HSF2BP: variants seen among roughly 807,000 people sequenced by gnomAD.
HSF2BP encodes heat shock factor 2-binding protein.
HSF2BP carries 35 observed loss-of-function variants against 35.0 expected under a neutral mutation model. The observed-to-expected ratio is 1.00, with a 90% CI of 0.76 to 1.32. The LOEUF (loss-of-function observed/expected upper bound fraction) is 1.32. Among genes scored for constraint, HSF2BP ranks in the 40% most tolerant of loss-of-function variants. The pLI, the probability that HSF2BP is intolerant of heterozygous loss-of-function variation, is 0.00. For missense variants in HSF2BP, 326 were observed against 321.7 expected (o/e 1.01, Z -0.10); for synonymous variants, 114 against 117.4 (o/e 0.97, Z 0.18).
intron 6 of HSF2BP, 135 bp downstream of exon 6, chr21:43,630,187 A>T: frequency 1.5e-6 from 1 of 646,594 alleles, no homozygotes; most frequent in Non-Finnish European, 2.6e-6. Flanking sequence ...AGACTACAGT[A>T]TAGTGTAAAC....
chr21:43,651,895 C>G (rs2082791631), intron 3 of HSF2BP, among the ~76,000 whole-genome samples: 1 of 152,232 alleles, frequency 6.6e-6, no homozygotes, highest in South Asian at 2.1e-4. Context: ...TTACCTTGCC[C>G]AGTCCTCCCA....
At chr21:43,633,838 C>T (rs1299199519) in intron 4 of HSF2BP, among the ~76,000 whole-genome samples, 2 of 152,192 alleles carry the variant, frequency 1.3e-5, no homozygotes, top group Non-Finnish European at 2.9e-5. Context: ...ATGGCTCACT[C>T]CATTGAAAAA....
chr21:43,592,268 G>GCTGATGTATT lies in HSF2BP; in HGVS notation c.743_752dup (p.Ser251ArgfsTer19). The GCTGATGTATT allele has an allele frequency of 6.2e-7, 1 of 1,613,732 alleles. No individual in the cohort carries two copies. Among genetic ancestry groups the GCTGATGTATT allele is most frequent in the Non-Finnish European group, 8.5e-7 (1 of 1,179,766 alleles). ...GCAAAGGGATGAATCCTGGACTCTC[G>GCTGATGTATT]CTGATGTATTTCAAGCCTTTCAAAT... is the stretch of plus-strand genomic sequence containing the variant. On this transcript the variant is annotated frameshift_variant, in exon 8 of 9. Coordinates refer to ENST00000291560, the MANE Select transcript of HSF2BP (RefSeq NM_007031.2). LOFTEE classifies it high-confidence loss of function.
intron 8 of HSF2BP, among the ~76,000 whole-genome samples, chr21:43,580,239 A>T (rs895907776): frequency 6.6e-6 from 1 of 152,176 alleles, no homozygotes; most frequent in African/African-American, 2.4e-5. Context: ...TTACTATGTC[A>T]GACTGACCAT....
chr21:43,573,477 A>G (rs2081602032), intron 8 of HSF2BP, among the ~76,000 whole-genome samples: 2 of 152,238 alleles, frequency 1.3e-5, no homozygotes, highest in East Asian at 3.8e-4. Context: ...TCCAACCAGT[A>G]ACATATGAAG....
intron 7 of HSF2BP, among the ~76,000 whole-genome samples, chr21:43,609,418 C>T (rs186192382): frequency 6.6e-6 from 1 of 152,020 alleles, no homozygotes; most frequent in African/African-American, 2.4e-5. Context: ...GCACATGTAC[C>T]CCCTGAATCT....
At chr21:43,637,919 T>C (rs1452942565) in intron 4 of HSF2BP, among the ~76,000 whole-genome samples, 1 of 152,130 alleles carries the variant, frequency 6.6e-6, no homozygotes, top group South Asian at 2.1e-4. Context: ...TAATTAACGC[T>C]GAAAGATTGA....
At chr21:43,634,323 G>A (rs1199071827) in intron 4 of HSF2BP, among the ~76,000 whole-genome samples, 1 of 152,128 alleles carries the variant, frequency 6.6e-6, no homozygotes, top group Non-Finnish European at 1.5e-5. Flanking sequence ...TAGAGTGATG[G>A]GGGGCTTCCT....
chr21:43,632,071 CAT>C (rs1568928142), intron 5 of HSF2BP, among the ~76,000 whole-genome samples: 2 of 18,208 alleles, frequency 1.1e-4, no homozygotes, highest in African/African-American at 1.1e-3. Flanking sequence ...CACGCTCCCA[CAT>C]ACACACGCTC....
chr21:43,616,111 G>C (rs1043576689), intron 6 of HSF2BP, among the ~76,000 whole-genome samples: 5 of 151,694 alleles, frequency 3.3e-5, no homozygotes, highest in African/African-American at 4.9e-5. Context: ...CCTGACTCCA[G>C]AGATGGCTAC....
chr21:43,581,668 T>A (rs780682215), intron 8 of HSF2BP, among the ~76,000 whole-genome samples: 3 of 152,122 alleles, frequency 2.0e-5, no homozygotes, highest in Non-Finnish European at 4.4e-5. Flanking sequence ...AAAAAAACAC[T>A]GTTCTTCAGC....
At chr21:43,617,909 G>C (rs1250865513) in intron 6 of HSF2BP, among the ~76,000 whole-genome samples, 1 of 151,478 alleles carries the variant, frequency 6.6e-6, no homozygotes, top group African/African-American at 2.4e-5. Flanking sequence ...AGCTGAGATG[G>C]TGCCACTGCA....
rs535836638 is a variant in HSF2BP at position 43,582,449 on chromosome 21, G to A, written c.796+9776C>T. Among the ~76,000 whole-genome samples the A allele has an allele frequency of 4.0e-5, 6 of 148,190 alleles. No homozygotes were observed. The East Asian group carries it at 6.3e-4, about 15-fold the overall frequency. ...GTTGCGGGAGATGAGTACCTGTTGA[G>A]GGAGATGAGGGCCGGCTGAGGGAGA... On this transcript the variant is annotated intron_variant, in intron 8 of 8. Coordinates refer to ENST00000291560, the MANE Select transcript of HSF2BP (RefSeq NM_007031.2).
intron 4 of HSF2BP, among the ~76,000 whole-genome samples, chr21:43,634,088 TG>T: frequency 6.6e-6 from 1 of 152,300 alleles, no homozygotes; most frequent in South Asian, 2.1e-4. Flanking sequence ...GTGTGAAGGC[TG>T]GGAGTCCTAT....
intron 8 of HSF2BP, among the ~76,000 whole-genome samples, chr21:43,574,722 G>A (rs144547924): frequency 4.6e-5 from 7 of 152,218 alleles, no homozygotes; most frequent in African/African-American, 1.4e-4. Context: ...CATCCACGAC[G>A]CACACTGAGA....
In HSF2BP at chr21:43,586,493, A is replaced by C. The variant is rs527423590; in HGVS notation, c.796+5732T>G. Among the ~76,000 whole-genome samples, 22 of 152,204 alleles carry C rather than the reference A, an allele frequency of 1.4e-4. No homozygotes were observed. The East Asian group carries it at 3.9e-3, about 27-fold the overall frequency. On this transcript the variant is annotated intron_variant, in intron 8 of 8. Coordinates refer to ENST00000291560, the MANE Select transcript of HSF2BP (RefSeq NM_007031.2). ...AAGTCTTTTATCCCTAAAGCATGAG[A>C]TATTTAGACTAGAAATAAAAGAGGA... is the stretch of plus-strand genomic sequence containing the variant.
intron 7 of HSF2BP, among the ~76,000 whole-genome samples, chr21:43,612,374 G>A (rs1026477819): frequency 8.5e-5 from 13 of 152,186 alleles, no homozygotes; most frequent in Non-Finnish European, 1.2e-4. Context: ...GTGCTAGGCC[G>A]GGCGCAGGGG....
At chr21:43,609,583 C>G (rs1020371349) in intron 7 of HSF2BP, among the ~76,000 whole-genome samples, 5 of 151,994 alleles carry the variant, frequency 3.3e-5, no homozygotes, top group African/African-American at 1.2e-4. Context: ...AAGCTATACA[C>G]AAGGCAGGGG....
chr21:43,649,569 A>C lies in HSF2BP; in HGVS notation c.188-5177T>G, dbSNP rs186986327. 1.7e-4 allele frequency among the ~76,000 whole-genome samples: 26 copies of C among 152,324 alleles called. No homozygotes were observed. The East Asian group carries it at 3.7e-3, about 21-fold the overall frequency. On this transcript the variant is annotated intron_variant, in intron 3 of 8. Coordinates refer to ENST00000291560, the MANE Select transcript of HSF2BP (RefSeq NM_007031.2). ...ATTAACATCAAAAAACATATAAACA[A>C]ATTTTAAAAGGTTAAAATTATTTAA...
Sources: allele counts gnomAD v4.1 joint callset (sites outside exome capture counted in the v4.1 genomes callset), GRCh38; gene constraint gnomAD v4.1.1; transcripts MANE v1.5; gene names NCBI Gene and HGNC (gene_info 2026-07-23, HGNC 2026-07-21).